The following PALLD variants were observed in gnomAD, a reference collection of about 807,000 sequenced individuals.
The protein encoded by PALLD is palladin, cytoskeletal associated protein.
In PALLD, 61 loss-of-function variants were observed where a neutral mutation model predicts 123.5. The observed-to-expected ratio is 0.49, with a 90% CI of 0.40 to 0.61. PALLD has a LOEUF of 0.61. Ranked by LOEUF, PALLD falls within the 20% of genes least tolerant of loss-of-function variation. The probability of loss-of-function intolerance (pLI) is 0.00; values close to 1 mark genes in which losing one functional copy is unlikely to be tolerated. For synonymous variants in PALLD, 465 were observed against 496.4 expected (o/e 0.94, Z 0.84); for missense variants, 1,273 against 1,377.0 (o/e 0.92, Z 1.20).
At position 168,878,220 on chromosome 4, in the gene PALLD, T is replaced by TGCC. The variant is rs748729107; in HGVS notation, c.1965-12695_1965-12693dup. 7 of 1,374,884 alleles carry TGCC rather than the reference T, an allele frequency of 5.1e-6. No individual in the cohort carries two copies. Among genetic ancestry groups the TGCC allele is most frequent in the East Asian group, 3.6e-5 (1 of 27,658 alleles). 85.2% of individuals were successfully genotyped at this position (1,374,884 alleles called of 1,614,324 possible). A position where few individuals can be genotyped will look rare whatever the true frequency, so the allele number is the denominator to read the frequency against. On this transcript the variant is annotated intron_variant, in intron 10 of 21. Transcript: ENST00000505667. ...TTCCCGGTGCCCGACGTGTTCCCACTGCCGCCGCCACCACCGCCGCTCCCG... is the reference window on the plus strand; with the variant it reads ...TTCCCGGTGCCCGACGTGTTCCCACTGCCGCCGCCGCCACCACCGCCGCTCCCG...
chr4:168,649,358 T>C (rs1006722702), intron 2 of PALLD, among the ~76,000 whole-genome samples: 2 of 152,228 alleles, frequency 1.3e-5, no homozygotes, highest in Non-Finnish European at 2.9e-5. Flanking sequence ...TTGATTCTTA[T>C]TAAGACCATG....
chr4:168,729,574 C>G (rs1309776846), intron 10 of PALLD, among the ~76,000 whole-genome samples: 1 of 152,182 alleles, frequency 6.6e-6, no homozygotes. Flanking sequence ...TCATTCCACC[C>G]TTGACTACTG....
chr4:168,592,001 T>A (rs146897555), intron 2 of PALLD, among the ~76,000 whole-genome samples: 198 of 150,796 alleles, frequency 1.3e-3, no homozygotes, highest in African/African-American at 4.4e-3. Flanking sequence ...CTTCGGCTAC[T>A]CTTAGTACTA....
At chr4:168,886,888 G>A (rs1217068186) in intron 10 of PALLD, among the ~76,000 whole-genome samples, 1 of 151,978 alleles carries the variant, frequency 6.6e-6, no homozygotes, top group Non-Finnish European at 1.5e-5. Flanking sequence ...GGAGGCCGAG[G>A]CGGGCGGATC....
intron 2 of PALLD, among the ~76,000 whole-genome samples, chr4:168,627,029 A>G (rs573162884): frequency 6.6e-6 from 1 of 152,376 alleles, no homozygotes; most frequent in South Asian, 2.1e-4. Flanking sequence ...GTACAACAGC[A>G]TGAACATACT....
intron 10 of PALLD, among the ~76,000 whole-genome samples, chr4:168,789,852 T>C (rs896807949): frequency 4.6e-5 from 7 of 152,192 alleles, no homozygotes; most frequent in Non-Finnish European, 8.8e-5. Context: ...TTCCTCTCTC[T>C]TTAAGGAAAA....
At chr4:168,563,104 G>A (rs897249127) in intron 2 of PALLD, among the ~76,000 whole-genome samples, 3 of 152,126 alleles carry the variant, frequency 2.0e-5, no homozygotes, top group African/African-American at 7.2e-5. Context: ...GCAAGTGAGT[G>A]GATAGTGGAT....
chr4:168,622,608 C>T (rs544343289), intron 2 of PALLD, among the ~76,000 whole-genome samples: 1 of 152,218 alleles, frequency 6.6e-6, no homozygotes, highest in East Asian at 1.9e-4. Context: ...TGCAATCTCC[C>T]TGTCCCTAAG....
chr4:168,631,374 A>T (rs1176657922), intron 2 of PALLD, among the ~76,000 whole-genome samples: 2 of 152,224 alleles, frequency 1.3e-5, no homozygotes, highest in African/African-American at 4.8e-5. Context: ...AATGCCTCAA[A>T]CCACAGCTGA....
chr4:168,578,781 A>C (rs565677347), intron 2 of PALLD, among the ~76,000 whole-genome samples: 1 of 152,172 alleles, frequency 6.6e-6, no homozygotes, highest in South Asian at 2.1e-4. Flanking sequence ...AATATGATAG[A>C]TCAATGGATA....
chr4:168,923,349 A>T (rs1761957846), intron 18 of PALLD, among the ~76,000 whole-genome samples: 1 of 152,204 alleles, frequency 6.6e-6, no homozygotes. Context: ...GCTCTTTCCT[A>T]GCTGCTTTGC....
At chr4:168,906,375 C>A (rs980140285) in intron 15 of PALLD, among the ~76,000 whole-genome samples, 1 of 152,112 alleles carries the variant, frequency 6.6e-6, no homozygotes, top group African/African-American at 2.4e-5. Flanking sequence ...TGGAAAAGTT[C>A]TCAGTGAGGA....
At chr4:168,898,447 T>C (rs1229203791) in intron 13 of PALLD, 46 bp from the exon 14 acceptor site, 1 of 1,240,176 alleles carries the variant, frequency 8.1e-7, no homozygotes, top group Non-Finnish European at 1.2e-6. Flanking sequence ...CGTGACACTT[T>C]GTCAGAAGGG....
chr4:168,704,918 A>G (rs1354308170), intron 8 of PALLD, among the ~76,000 whole-genome samples: 5 of 151,710 alleles, frequency 3.3e-5, no homozygotes, highest in African/African-American at 4.9e-5. Flanking sequence ...TATTTGGTCA[A>G]TTTTTTAAAA....
At chr4:168,891,626 G>C (rs1177541309) in intron 11 of PALLD, among the ~76,000 whole-genome samples, 1 of 150,896 alleles carries the variant, frequency 6.6e-6, no homozygotes, top group Non-Finnish European at 1.5e-5. Flanking sequence ...AAGAAAGGAA[G>C]AAGGAAGGGC....
chr4:168,658,285 G>GTTTTTTTT (rs66527351), intron 2 of PALLD, among the ~76,000 whole-genome samples: 8 of 131,626 alleles, frequency 6.1e-5, no homozygotes, highest in African/African-American at 9.1e-5. Context: ...TTTTTATTTG[G>GTTTTTTTT]TTTTTTTTTT....
rs1485498013 is a variant in PALLD, at chr4:168,903,872, A to G, written c.2588A>G (p.Asp863Gly). 1 of 1,613,928 alleles carries G rather than the reference A, an allele frequency of 6.2e-7. No individual in the cohort carries two copies. The highest frequency in any genetic ancestry group is 8.5e-7 in the Non-Finnish European group (1 of 1,179,940). Reference protein sequence around the residue: ...LHTTASTLDDDGNYTIMAANP... With the variant: ...LHTTASTLDDGGNYTIMAANP... ...ACCACAGCCTCCACCCTAGATGATG[A>G]TGGGAATTATACAATTATGGCTGCA... The change falls in exon 15 of 22, where the codon GAT becomes GGT. Residue 863 changes from aspartate (D) to glycine (G), a missense_variant. Physicochemically the swap from Asp to Gly is moderately conservative, Grantham distance 94. Transcript: ENST00000505667.
chr4:168,605,092 G>A (rs1241349035), intron 2 of PALLD, among the ~76,000 whole-genome samples: 1 of 152,040 alleles, frequency 6.6e-6, no homozygotes, highest in Non-Finnish European at 1.5e-5. Flanking sequence ...TGTGATCAAG[G>A]GGGTAATTAA....
At chr4:168,507,631 C>A in intron 1 of PALLD, 1 of 199,822 alleles carries the variant, frequency 5.0e-6, no homozygotes, top group African/African-American at 2.3e-5. Context: ...GCCCTACTGT[C>A]AGTCTTGTCT....
Sources: gnomAD v4.1 joint callset for allele counts (sites outside exome capture counted in the v4.1 genomes callset) on GRCh38, gnomAD v4.1.1 for gene constraint, MANE v1.5 for transcripts, NCBI Gene and HGNC (gene_info 2026-07-23, HGNC 2026-07-21) for gene names.